The following ACVR2A variants were observed in gnomAD, a reference collection of about 807,000 sequenced individuals.
ACVR2A encodes activin A receptor type 2A.
Under a neutral mutation model 61.4 loss-of-function variants are expected in ACVR2A, and 7 were observed. That is an observed-to-expected ratio of 0.11 (90% CI 0.06 to 0.21). The LOEUF (loss-of-function observed/expected upper bound fraction) is 0.21, where lower values mean the gene tolerates loss of function less well. ACVR2A is among the 10% of genes least tolerant of loss of function. The pLI, the probability that ACVR2A is intolerant of heterozygous loss-of-function variation, is 1.00. For synonymous variants in ACVR2A, 193 were observed against 208.3 expected (o/e 0.93, Z 0.63); for missense variants, 322 against 621.7 (o/e 0.52, Z 5.13).
At chr2:147,856,321 T>A (rs893759052) in intron 1 of ACVR2A, among the ~76,000 whole-genome samples, 2 of 152,176 alleles carry the variant, frequency 1.3e-5, no homozygotes, top group African/African-American at 4.8e-5. Context: ...TTACTGAATT[T>A]AAAAAATATA....
chr2:147,900,963 T>C (rs1686858075), intron 4 of ACVR2A, among the ~76,000 whole-genome samples: 1 of 152,072 alleles, frequency 6.6e-6, no homozygotes, highest in Non-Finnish European at 1.5e-5. Flanking sequence ...AGATCATGGA[T>C]TCCCATAATC....
At chr2:147,885,647 G>A (rs570673032) in intron 1 of ACVR2A, among the ~76,000 whole-genome samples, 53 of 152,158 alleles carry the variant, frequency 3.5e-4, no homozygotes, top group African/African-American at 1.0e-3. Flanking sequence ...ACTTCTAAAA[G>A]TATTGTTTCT....
chr2:147,901,958 C>T (rs1366283368), intron 4 of ACVR2A, among the ~76,000 whole-genome samples: 2 of 152,016 alleles, frequency 1.3e-5, no homozygotes, highest in African/African-American at 4.8e-5. Flanking sequence ...GTTTTATCTT[C>T]TATTTCAAAA....
At chr2:147,862,874 A>G (rs563798856) in intron 1 of ACVR2A, among the ~76,000 whole-genome samples, 30 of 152,348 alleles carry the variant, frequency 2.0e-4, no homozygotes, top group South Asian at 1.2e-3. Context: ...GTTATGTCAC[A>G]GCACAACCAT....
At chr2:147,912,975 T>A (rs1558812083) in intron 4 of ACVR2A, among the ~76,000 whole-genome samples, 1 of 151,892 alleles carries the variant, frequency 6.6e-6, no homozygotes. Flanking sequence ...TAAATTATAG[T>A]AGGAGGGTGA....
chr2:147,860,161 T>C (rs573524726), intron 1 of ACVR2A, among the ~76,000 whole-genome samples: 108 of 152,298 alleles, frequency 7.1e-4, no homozygotes, highest in Non-Finnish European at 1.2e-3. Flanking sequence ...TGTAGTACTA[T>C]CCCTGCTCCT....
Position 147,928,328 on chromosome 2 carries a change from A to G in ACVR2A, c.*1054A>G, listed in dbSNP as rs1249941948. 6.6e-6 allele frequency: 1 copy of G among 152,168 alleles called. No homozygotes were observed. Among genetic ancestry groups the G allele is most frequent in the Non-Finnish European group, 1.5e-5 (1 of 67,896 alleles). The allele number at this position is 152,168 out of a possible 1,614,324, so 9.4% of individuals were successfully genotyped here. On this transcript the variant is annotated 3_prime_UTR_variant, in exon 11 of 11. Coordinates refer to ENST00000241416, the MANE Select transcript of ACVR2A (RefSeq NM_001616.5). ...ATTGTAGTGTATTTCTTTTCACCAA[A>G]CAGTGTGTGGGACATTCTTTATCAC...
intron 1 of ACVR2A, among the ~76,000 whole-genome samples, chr2:147,880,011 C>T (rs1452377891): frequency 1.3e-5 from 2 of 152,120 alleles, no homozygotes; most frequent in Non-Finnish European, 2.9e-5. Flanking sequence ...TCTCATTTGA[C>T]AAGCTAGATA....
At chr2:147,917,514 G>A (rs768994960) in intron 6 of ACVR2A, 88 bp downstream of exon 6, 106 of 1,378,134 alleles carry the variant, frequency 7.7e-5, no homozygotes, top group Non-Finnish European at 1.0e-4. Flanking sequence ...GTTATTTTTC[G>A]AGACATCTTA....
In ACVR2A at chr2:147,864,391, C is replaced by T. The variant is rs1323567551; in HGVS notation, c.55+19184C>T. ...ATTACATGCGCGCTCTACAACGCCC[C>T]GCTAATTTTTTTTGTATTTTTTTAG... On this transcript the variant is annotated intron_variant, in intron 1 of 10. Coordinates refer to ENST00000241416, the MANE Select transcript of ACVR2A (RefSeq NM_001616.5). Among the ~76,000 whole-genome samples, 4 of 152,044 alleles carry T rather than the reference C, an allele frequency of 2.6e-5. No homozygotes were observed. The South Asian group carries it at 6.2e-4, about 24-fold the overall frequency.
At chr2:147,880,681 T>C (rs1686278044) in intron 1 of ACVR2A, among the ~76,000 whole-genome samples, 1 of 152,236 alleles carries the variant, frequency 6.6e-6, no homozygotes, top group Admixed American at 6.5e-5. Flanking sequence ...CATTTTTCTC[T>C]TCCTTTCAAG....
At chr2:147,903,380 C>G (rs1349978384) in intron 4 of ACVR2A, among the ~76,000 whole-genome samples, 1 of 151,282 alleles carries the variant, frequency 6.6e-6, no homozygotes, top group African/African-American at 2.4e-5. Context: ...CCTGTTCATT[C>G]ACCTTTTCAT....
At chr2:147,868,621 T>TTTATTTATTTATTTATTTA (rs1553485100) in intron 1 of ACVR2A, among the ~76,000 whole-genome samples, 4 of 151,066 alleles carry the variant, frequency 2.6e-5, no homozygotes, top group East Asian at 1.9e-4. Flanking sequence ...TTTTATTTTA[T>TTTATTTATTTATTTATTTA]TTTATTTATT....
chr2:147,883,568 C>G (rs1686361609), intron 1 of ACVR2A, among the ~76,000 whole-genome samples: 1 of 151,862 alleles, frequency 6.6e-6, no homozygotes, highest in South Asian at 2.1e-4. Flanking sequence ...TTTTTTAATA[C>G]TCATAATCTT....
chr2:147,918,381 A>G, intron 6 of ACVR2A, 66 bp from the exon 7 acceptor site: 9 of 1,402,020 alleles, frequency 6.4e-6, no homozygotes, highest in Non-Finnish European at 8.6e-6. Context: ...AGGTAAAAAG[A>G]AAAGTCTCCT....
At chr2:147,893,051 C>T (rs1031284449) in intron 1 of ACVR2A, among the ~76,000 whole-genome samples, 1 of 152,102 alleles carries the variant, frequency 6.6e-6, no homozygotes, top group Non-Finnish European at 1.5e-5. Flanking sequence ...ACAAAGTTTC[C>T]TCATGCCCTT....
chr2:147,882,063 A>G (rs1409135414), intron 1 of ACVR2A, among the ~76,000 whole-genome samples: 1 of 152,180 alleles, frequency 6.6e-6, no homozygotes, highest in Non-Finnish European at 1.5e-5. Flanking sequence ...GGACTCTAAA[A>G]CTTTTATGTT....
At chr2:147,900,801 T>C (rs1338474382) in intron 4 of ACVR2A, among the ~76,000 whole-genome samples, 1 of 152,072 alleles carries the variant, frequency 6.6e-6, no homozygotes, top group Non-Finnish European at 1.5e-5. Flanking sequence ...GGTGTAACTT[T>C]GCTTCTTTAA....
intron 1 of ACVR2A, among the ~76,000 whole-genome samples, chr2:147,854,365 T>C (rs1685518859): frequency 6.6e-6 from 1 of 152,236 alleles, no homozygotes; most frequent in Non-Finnish European, 1.5e-5. Context: ...TCTCTTAAAC[T>C]TTTTAAGTGT....
Sources: allele counts gnomAD v4.1 joint callset (sites outside exome capture counted in the v4.1 genomes callset), GRCh38; gene constraint gnomAD v4.1.1; transcripts MANE v1.5; gene names NCBI Gene and HGNC (gene_info 2026-07-23, HGNC 2026-07-21).